SMARCAD1: variants seen among roughly 807,000 people sequenced by gnomAD.
The protein encoded by SMARCAD1 is SNF2 related chromatin remodeling ATPase with DExD box 1.
SMARCAD1 carries 25 observed loss-of-function variants against 127.1 expected under a neutral mutation model. The observed-to-expected ratio is 0.20, with a 90% confidence interval of 0.14 to 0.27. The LOEUF (loss-of-function observed/expected upper bound fraction) is 0.27. Ranked by LOEUF, SMARCAD1 falls within the 10% of genes least tolerant of loss-of-function variation. The pLI, the probability that SMARCAD1 is intolerant of heterozygous loss-of-function variation, is 1.00. For synonymous variants in SMARCAD1, 400 were observed against 396.9 expected, an observed-to-expected ratio of 1.01 and a Z score of -0.09; for missense variants, 807 against 1,206.0, an observed-to-expected ratio of 0.67 and a Z score of 4.90.
Position 94,290,689 on chromosome 4 carries a change from C to T in SMARCAD1, c.*1155C>T, listed in dbSNP as rs1317763129. On this transcript the variant is annotated 3_prime_UTR_variant, in exon 24 of 24. Transcript: ENST00000354268. ...ATATTTAACTCTTTATTAAATCTTT[C>T]TTTAAATTTCTGCCTGTCAGTCTAT... 2.3e-6 allele frequency: 1 copy of T among 444,052 alleles called. No homozygotes were observed. The highest frequency in any genetic ancestry group is 2.0e-5 in the African/African-American group (1 of 49,356). The allele number at this position is 444,052 out of a possible 1,614,324, so 27.5% of individuals were successfully genotyped here. A position where few individuals can be genotyped will look rare whatever the true frequency, so the allele number is the denominator to read the frequency against.
intron 2 of SMARCAD1, among the ~76,000 whole-genome samples, chr4:94,216,074 G>A (rs1200741643): frequency 6.6e-6 from 1 of 152,098 alleles, no homozygotes; most frequent in Non-Finnish European, 1.5e-5. Context: ...GCAAGATTAG[G>A]TATCTCAGGG....
intron 22 of SMARCAD1, among the ~76,000 whole-genome samples, chr4:94,284,079 T>C (rs868695645): frequency 8.6e-5 from 13 of 151,480 alleles, no homozygotes; most frequent in Middle Eastern, 3.4e-3. Flanking sequence ...CCTAGCACTT[T>C]GGGAGGCGAA....
Position 94,208,421 on chromosome 4 carries a change from T to C in SMARCAD1, c.27T>C (p.Phe9=), listed in dbSNP as rs1238143232. 3.1e-6 allele frequency: 5 copies of C among 1,614,168 alleles called. No individual in the cohort carries two copies. In the Admixed American group the frequency reaches 5.0e-5, roughly 16 times the overall value. The part of the protein sequence containing the change: MNLFNLDR[F]RFEKRNKIEE... ...TGAATCTTTTCAACCTGGACCGTTTTCGCTTTGAGAAAAGGAATAAGATTG... is the reference window on the plus strand; with the variant it reads ...TGAATCTTTTCAACCTGGACCGTTTCCGCTTTGAGAAAAGGAATAAGATTG... The change falls in exon 2 of 24, where the codon TTT becomes TTC. Residue 9 remains phenylalanine, a synonymous_variant. Coordinates refer to ENST00000354268, the MANE Select transcript of SMARCAD1 (RefSeq NM_020159.5).
At chr4:94,208,107 C>T (rs553349636) in intron 1 of SMARCAD1, 37 bp downstream of exon 1, 67 of 553,670 alleles carry the variant, frequency 1.2e-4, no homozygotes, top group African/African-American at 8.7e-4. Context: ...CTCGTGGTTT[C>T]AGTAAGGAGG....
intron 3 of SMARCAD1, among the ~76,000 whole-genome samples, chr4:94,232,758 G>A (rs1746038589): frequency 6.6e-6 from 1 of 152,132 alleles, no homozygotes; most frequent in Non-Finnish European, 1.5e-5. Flanking sequence ...TTCAAGACAA[G>A]CCTGGCAGAA....
Position 94,287,008 on chromosome 4 carries a change from G to T in SMARCAD1, c.3019+1939G>T, listed in dbSNP as rs545962872. 9.8e-5 allele frequency among the ~76,000 whole-genome samples: 15 copies of T among 152,288 alleles called. No homozygotes were observed. In the South Asian group the frequency reaches 1.9e-3, roughly 19 times the overall value. On this transcript the variant is annotated intron_variant, in intron 23 of 23. Transcript: ENST00000354268. ...GCCTCCCAAATAGCTGGGACTATAG[G>T]TGCCCGCCTCCATGCCCAGCTAATT...
chr4:94,207,937 G>A lies in SMARCAD1; in HGVS notation c.-183G>A. The stretch of plus-strand genomic sequence containing the variant: ...CCTTCTTTGGCCCCTTTGTGTCCCC[G>A]CAGTGTCGAGGCGCGGGCCCTGGCA... On this transcript the variant is annotated 5_prime_UTR_variant, in exon 1 of 24. Coordinates refer to ENST00000354268, the MANE Select transcript of SMARCAD1 (RefSeq NM_020159.5). 2 of 353,136 alleles carry A rather than the reference G, an allele frequency of 5.7e-6. No individual in the cohort carries two copies. Among genetic ancestry groups the A allele is most frequent in the South Asian group, 4.3e-5 (2 of 46,464 alleles). The allele number at this position is 353,136 out of a possible 1,614,324, so 21.9% of individuals were successfully genotyped here. A position where few individuals can be genotyped will look rare whatever the true frequency, so the allele number is the denominator to read the frequency against.
At chr4:94,218,020 C>G (rs1435115800) in intron 2 of SMARCAD1, among the ~76,000 whole-genome samples, 2 of 152,120 alleles carry the variant, frequency 1.3e-5, no homozygotes, top group Non-Finnish European at 2.9e-5. Flanking sequence ...TGTTCTACAT[C>G]TTGTTTATTT....
chr4:94,249,732 G>A lies in SMARCAD1; in HGVS notation c.784G>A (p.Glu262Lys). 4.4e-6 allele frequency: 7 copies of A among 1,603,874 alleles called. No homozygotes were observed. The highest frequency in any genetic ancestry group is 6.0e-6 in the Non-Finnish European group (7 of 1,171,258). ...QESIVLKLQK[E>K]FPNFDKQELR... ...AAGTATTGTACTGAAATTGCAAAAG[G>A]AATTTCCCAATTTTGATAAACAGGT... The change falls in exon 7 of 24, where the codon GAA becomes AAA. Residue 262 changes from glutamate to lysine, a missense_variant. By Grantham distance (56) the Glu-to-Lys change is moderately conservative (BLOSUM62 1). Transcript: ENST00000354268.
At position 94,251,998 on chromosome 4, in the gene SMARCAD1, T is replaced by G. The variant is rs190449470; in HGVS notation, c.890-618T>G. On this transcript the variant is annotated intron_variant, in intron 8 of 23. Transcript: ENST00000354268. Reference sequence around the variant, plus strand: ...TTCTGAGTAGCTGGGATTACAGGCATGCACCACCATGCCTGGCTAATTTTT... The same window carrying G: ...TTCTGAGTAGCTGGGATTACAGGCAGGCACCACCATGCCTGGCTAATTTTT... Among the ~76,000 whole-genome samples the G allele has an allele frequency of 4.3e-4, 66 of 152,190 alleles. No homozygotes were observed. In the East Asian group the frequency reaches 5.4e-3, roughly 12 times the overall value.
intron 9 of SMARCAD1, among the ~76,000 whole-genome samples, chr4:94,262,434 A>G (rs764321377): frequency 3.3e-5 from 5 of 152,274 alleles, no homozygotes; most frequent in Admixed American, 2.6e-4. Context: ...ACAGACCACT[A>G]TTGTCTCTCA....
chr4:94,217,309 A>G (rs542584581), intron 2 of SMARCAD1, among the ~76,000 whole-genome samples: 204 of 152,292 alleles, frequency 1.3e-3, no homozygotes, highest in Non-Finnish European at 2.4e-3. Flanking sequence ...TTAAAATGTC[A>G]TCATTATAGT....
At chr4:94,256,868 T>G (rs1369585489) in intron 9 of SMARCAD1, among the ~76,000 whole-genome samples, 2 of 152,214 alleles carry the variant, frequency 1.3e-5, no homozygotes, top group African/African-American at 2.4e-5. Context: ...TTGAGTACTT[T>G]GTAGGCTGCT....
At chr4:94,219,925 A>G (rs1162949901) in intron 2 of SMARCAD1, among the ~76,000 whole-genome samples, 2 of 152,320 alleles carry the variant, frequency 1.3e-5, no homozygotes, top group African/African-American at 2.4e-5. Flanking sequence ...AATATTCAGC[A>G]TATGTCAGAA....
At chr4:94,233,930 T>G (rs755117543) in intron 3 of SMARCAD1, 24 bp from the exon 4 acceptor site, 4 of 1,612,336 alleles carry the variant, frequency 2.5e-6, no homozygotes, top group Non-Finnish European at 3.4e-6. Context: ...AAAATGTTTT[T>G]TGCTCCTCTA....
At chr4:94,252,415 G>T (rs945343596) in intron 8 of SMARCAD1, among the ~76,000 whole-genome samples, 1 of 152,280 alleles carries the variant, frequency 6.6e-6, no homozygotes, top group Non-Finnish European at 1.5e-5. Context: ...TTAAAAACAA[G>T]TTATCACCTG....
intron 23 of SMARCAD1, among the ~76,000 whole-genome samples, chr4:94,288,175 A>G (rs1755221813): frequency 6.6e-6 from 1 of 152,168 alleles, no homozygotes; most frequent in Admixed American, 6.5e-5. Flanking sequence ...AAGTTGGTAC[A>G]ATACCATTGT....
In SMARCAD1 at chr4:94,272,163, AAGGACAGTCATATTGGGTTC is replaced by A. The variant is rs537307258; in HGVS notation, c.1572+1349_1572+1368del. On this transcript the variant is annotated intron_variant, in intron 11 of 23. Coordinates refer to ENST00000354268, the MANE Select transcript of SMARCAD1 (RefSeq NM_020159.5). The stretch of plus-strand genomic sequence containing the variant: ...ACACATGCCTGATATTTCTTCTTAC[AAGGACAGTCATATTGGGTTC>A]AGGCCCCACACTTATGAACTCATTT... Among the ~76,000 whole-genome samples, 182 of 152,252 alleles carry A rather than the reference AAGGACAGTCATATTGGGTTC, an allele frequency of 1.2e-3. No individual in the cohort carries two copies. The Middle Eastern group carries it at 0.014, about 11-fold the overall frequency.
rs149930847 is a variant in SMARCAD1 at position 94,261,487 on chromosome 4, T to G, written c.1282-3220T>G. On this transcript the variant is annotated intron_variant, in intron 9 of 23. Coordinates refer to ENST00000354268, the MANE Select transcript of SMARCAD1 (RefSeq NM_020159.5). Reference sequence around the variant, plus strand: ...AGCATAACTATTATGAATAAAATTATACATTTATAACCACTGTGAATAGTT... The same window carrying G: ...AGCATAACTATTATGAATAAAATTAGACATTTATAACCACTGTGAATAGTT... Among the ~76,000 whole-genome samples the G allele has an allele frequency of 1.6e-4, 24 of 152,378 alleles. 1 individual carries two copies. Among genetic ancestry groups the G allele is most frequent in the African/African-American group, 5.5e-4 (23 of 41,602 alleles).
Sources: gnomAD v4.1 joint callset for allele counts (sites outside exome capture counted in the v4.1 genomes callset) on GRCh38, gnomAD v4.1.1 for gene constraint, MANE v1.5 for transcripts, NCBI Gene and HGNC (gene_info 2026-07-23, HGNC 2026-07-21) for gene names.